The following XRN2 variants were observed in gnomAD, a reference collection of about 807,000 sequenced individuals.
The protein encoded by XRN2 is DHM1-like protein.
A neutral mutation model predicts 138.5 loss-of-function variants in XRN2; 44 were observed. The ratio of observed to expected loss-of-function variants is 0.32; its 90% CI spans 0.25 to 0.41. XRN2 has a LOEUF of 0.41. XRN2 is among the 10% of genes least tolerant of loss of function. The pLI, the probability that XRN2 is intolerant of heterozygous loss-of-function variation, is 1.00. For synonymous variants in XRN2, 354 were observed against 369.4 expected (o/e 0.96, Z 0.48); for missense variants, 937 against 1,169.3 (o/e 0.80, Z 2.90).
intron 1 of XRN2, among the ~76,000 whole-genome samples, chr20:21,320,101 A>G (rs1028127323): frequency 2.6e-5 from 4 of 152,104 alleles, no homozygotes; most frequent in Non-Finnish European, 4.4e-5. Flanking sequence ...TCTGTTAGCA[A>G]TAATTCTCTC....
At chr20:21,352,395 T>A (rs1157626031) in intron 20 of XRN2, among the ~76,000 whole-genome samples, 1 of 152,050 alleles carries the variant, frequency 6.6e-6, no homozygotes, top group Admixed American at 6.6e-5. Flanking sequence ...TGACGCGATC[T>A]CGGCTCACTG....
In XRN2 at chr20:21,375,056, A is replaced by G. The variant is rs141560431; in HGVS notation, c.2584+6466A>G. Among the ~76,000 whole-genome samples, 5 of 92,048 alleles carry G rather than the reference A, an allele frequency of 5.4e-5. No individual in the cohort carries two copies. In the Admixed American group the frequency reaches 5.9e-4, roughly 11 times the overall value. 60.4% of individuals were successfully genotyped at this position (92,048 alleles called of 152,430 possible). The stretch of plus-strand genomic sequence containing the variant: ...TTTTTGGTGGGAATGTGCCCATTCT[A>G]AAATTTCAAATTTATTGCCAGAAAT... On this transcript the variant is annotated intron_variant, in intron 27 of 29. Transcript: ENST00000377191.
chr20:21,336,117 T>C (rs780993134), intron 13 of XRN2, among the ~76,000 whole-genome samples: 3 of 152,192 alleles, frequency 2.0e-5, no homozygotes, highest in Non-Finnish European at 4.4e-5. Flanking sequence ...CCCTTAGAGA[T>C]AGGCATTTAA....
At chr20:21,309,938 C>T (rs1455784066) in intron 1 of XRN2, among the ~76,000 whole-genome samples, 2 of 151,954 alleles carry the variant, frequency 1.3e-5, no homozygotes, top group Non-Finnish European at 2.9e-5. Flanking sequence ...TATTGTTTTT[C>T]TGTTTTCTAT....
intron 27 of XRN2, among the ~76,000 whole-genome samples, chr20:21,370,237 A>G (rs1320325234): frequency 3.3e-5 from 5 of 152,144 alleles, no homozygotes; most frequent in African/African-American, 2.4e-5. Flanking sequence ...TGCCGGTACC[A>G]TACTGTTGTG....
chr20:21,353,161 A>C (rs1177858408), intron 20 of XRN2, among the ~76,000 whole-genome samples: 4 of 145,606 alleles, frequency 2.7e-5, no homozygotes, highest in Non-Finnish European at 4.5e-5. Context: ...TTTAATATAT[A>C]ATATAATATA....
intron 27 of XRN2, among the ~76,000 whole-genome samples, chr20:21,377,080 T>C (rs573590568): frequency 2.4e-4 from 37 of 152,266 alleles, no homozygotes; most frequent in African/African-American, 8.9e-4. Flanking sequence ...GGCAACCATG[T>C]CATTTCACAA....
chr20:21,353,949 G>C (rs2038545089), intron 20 of XRN2, among the ~76,000 whole-genome samples: 1 of 152,104 alleles, frequency 6.6e-6, no homozygotes, highest in Non-Finnish European at 1.5e-5. Flanking sequence ...TTGAGTAGCA[G>C]TAGTTTCAGA....
rs538081694 is a variant in XRN2, at chr20:21,369,101, T to C, written c.2584+511T>C. 1.1e-4 allele frequency among the ~76,000 whole-genome samples: 16 copies of C among 152,242 alleles called. 1 individual carries two copies. Among genetic ancestry groups the C allele is most frequent in the African/African-American group, 3.6e-4 (15 of 41,522 alleles). On this transcript the variant is annotated intron_variant, in intron 27 of 29. Coordinates refer to ENST00000377191, the MANE Select transcript of XRN2 (RefSeq NM_012255.5). ...CAGCCTCTGGTAACCGTCCTTCTACTCTCTGTCTCCACGAGTTCAGTTGTT... is the reference window on the plus strand; with the variant it reads ...CAGCCTCTGGTAACCGTCCTTCTACCCTCTGTCTCCACGAGTTCAGTTGTT...
At chr20:21,357,416 T>TGTTGCTCTAC (rs1408527583) in intron 23 of XRN2, among the ~76,000 whole-genome samples, 1 of 152,190 alleles carries the variant, frequency 6.6e-6, no homozygotes, top group African/African-American at 2.4e-5. Context: ...TGAGAGATCT[T>TGTTGCTCTAC]GTTGCTCTAC....
At position 21,333,438 on chromosome 20, in the gene XRN2, A is replaced by G. The variant is rs1249369691; in HGVS notation, c.859-106A>G. On this transcript the variant is annotated intron_variant, in intron 9 of 29. Transcript: ENST00000377191. ...AGCTTTTAAAAATTAAATACTTGTG[A>G]TATTAAAATGGATTGTGCGTTAGAA... The G allele has an allele frequency of 2.7e-6, 3 of 1,104,216 alleles. No homozygotes were observed. In the Admixed American group the frequency reaches 5.7e-5, roughly 21 times the overall value. The allele number at this position is 1,104,216 out of a possible 1,614,324, so 68.4% of individuals were successfully genotyped here.
At position 21,303,378 on chromosome 20, in the gene XRN2, C is replaced by A. The variant is rs918471893; in HGVS notation, c.-21C>A. ...TTACGCTCGTCAGCCGGTCGGCCGC[C>A]GCCTCCAGCCGTGTGCCGCTATGGG... is the stretch of plus-strand genomic sequence containing the variant. On this transcript the variant is annotated 5_prime_UTR_variant, in exon 1 of 30. Coordinates refer to ENST00000377191, the MANE Select transcript of XRN2 (RefSeq NM_012255.5). 3.2e-6 allele frequency: 5 copies of A among 1,542,564 alleles called. No individual in the cohort carries two copies. The highest frequency in any genetic ancestry group is 2.8e-5 in the African/African-American group (2 of 71,448).
At chr20:21,368,892 A>G (rs2038732524) in intron 27 of XRN2, among the ~76,000 whole-genome samples, 1 of 152,124 alleles carries the variant, frequency 6.6e-6, no homozygotes, top group South Asian at 2.1e-4. Flanking sequence ...CACCTCTAGC[A>G]TTTATCTTTT....
chr20:21,386,561 T>C (rs2038938387), intron 28 of XRN2, among the ~76,000 whole-genome samples: 1 of 152,248 alleles, frequency 6.6e-6, no homozygotes, highest in Non-Finnish European at 1.5e-5. Flanking sequence ...CTTGGTGATC[T>C]TGGGTCTACA....
intron 15 of XRN2, among the ~76,000 whole-genome samples, chr20:21,343,650 A>G (rs1367996615): frequency 6.6e-6 from 1 of 151,136 alleles, no homozygotes; most frequent in African/African-American, 2.4e-5. Context: ...AATGCATTTT[A>G]TATATCACAT....
At chr20:21,372,568 A>G (rs2038774972) in intron 27 of XRN2, among the ~76,000 whole-genome samples, 1 of 152,242 alleles carries the variant, frequency 6.6e-6, no homozygotes, top group Non-Finnish European at 1.5e-5. Context: ...AAAAACACCC[A>G]TAATTCCACA....
At chr20:21,356,455 A>C in intron 22 of XRN2, 131 bp from the exon 23 acceptor site, 2 of 710,168 alleles carry the variant, frequency 2.8e-6, no homozygotes, top group South Asian at 4.1e-5. Context: ...CCACTTATCT[A>C]TTGGTAAATA....
intron 3 of XRN2, 49 bp from the exon 4 acceptor site, chr20:21,328,510 A>G (rs534790164): frequency 9.2e-6 from 14 of 1,528,812 alleles, no homozygotes; most frequent in Non-Finnish European, 1.3e-5. Context: ...GTACAGATTT[A>G]TTTGTGAATA....
intron 2 of XRN2, 36 bp downstream of exon 2, chr20:21,326,442 C>A: frequency 6.2e-7 from 1 of 1,613,544 alleles, no homozygotes; most frequent in African/African-American, 1.3e-5. Flanking sequence ...TATAGCAAAT[C>A]ACAGAGGAAA....
Sources: gnomAD v4.1 joint callset for allele counts (sites outside exome capture counted in the v4.1 genomes callset) on GRCh38, gnomAD v4.1.1 for gene constraint, MANE v1.5 for transcripts, NCBI Gene and HGNC (gene_info 2026-07-23, HGNC 2026-07-21) for gene names.